TOP1: variants seen among roughly 807,000 people sequenced by gnomAD.
TOP1 encodes DNA topoisomerase 1.
TOP1 carries 10 observed loss-of-function variants against 111.1 expected under a neutral mutation model. That is an observed-to-expected ratio of 0.09 (90% CI 0.06 to 0.15). TOP1 has a LOEUF of 0.15. Among genes scored for constraint, TOP1 ranks in the 10% least tolerant of loss-of-function variants. TOP1 has a pLI of 1.00. For missense variants in TOP1, 474 were observed against 926.7 expected (o/e 0.51, Z 6.34); for synonymous variants, 271 against 302.9 (o/e 0.89, Z 1.10).
rs547897428 is a variant in TOP1 at position 41,082,158 on chromosome 20, C to G, written c.507+918C>G. On this transcript the variant is annotated intron_variant, in intron 7 of 20. Coordinates refer to ENST00000361337, the MANE Select transcript of TOP1 (RefSeq NM_003286.4). This position sits in a 1 kb window ranked among gnomAD's most constrained non-coding sequence, Gnocchi z 4.1. ...ATTTGAGGTTAGCCACTGTCATGGG[C>G]AAAATGGGATCACAAATGTAAAGTG... Among the ~76,000 whole-genome samples the G allele has an allele frequency of 6.6e-5, 10 of 152,170 alleles. No individual in the cohort carries two copies. The South Asian group carries it at 1.5e-3, about 22-fold the overall frequency.
intron 2 of TOP1, among the ~76,000 whole-genome samples, chr20:41,038,992 CAAAAA>C (rs879288677): frequency 7.9e-6 from 1 of 125,822 alleles, no homozygotes; most frequent in African/African-American, 3.0e-5. Flanking sequence ...GACCCTGTCT[CAAAAA>C]AAAAAAAAAA....
intron 8 of TOP1, among the ~76,000 whole-genome samples, chr20:41,089,641 T>C (rs1293052408): frequency 6.6e-6 from 1 of 152,204 alleles, no homozygotes; most frequent in African/African-American, 2.4e-5. Flanking sequence ...TGTTTGAATA[T>C]TGAGTATATT....
In TOP1 at chr20:41,123,115, G is replaced by A; in HGVS notation, c.2196-80G>A. 2.3e-6 allele frequency: 2 copies of A among 888,250 alleles called. No individual in the cohort carries two copies. Among genetic ancestry groups the A allele is most frequent in the Admixed American group, 3.9e-5 (2 of 50,668 alleles). The allele number at this position is 888,250 out of a possible 1,614,324, so 55.0% of individuals were successfully genotyped here. On this transcript the variant is annotated intron_variant, in intron 20 of 20. Coordinates refer to ENST00000361337, the MANE Select transcript of TOP1 (RefSeq NM_003286.4). The surrounding 1 kb of genome is among the most constrained non-coding windows in gnomAD (Gnocchi z 5.8). ...ACTAGACAGATGTGAAAGAGAAGAT[G>A]GAACATCTGACCCTGGGCCTCAGAT...
rs947235898 is a variant in TOP1 at position 41,034,473 on chromosome 20, G to A, written c.58+5018G>A. 1.3e-5 allele frequency among the ~76,000 whole-genome samples: 2 copies of A among 152,196 alleles called. No individual in the cohort carries two copies. The highest frequency in any genetic ancestry group is 1.3e-4 in the Admixed American group (2 of 15,284). On this transcript the variant is annotated intron_variant, in intron 2 of 20. Coordinates refer to ENST00000361337, the MANE Select transcript of TOP1 (RefSeq NM_003286.4). This position sits in a 1 kb window ranked among gnomAD's most constrained non-coding sequence, Gnocchi z 4.0. The stretch of plus-strand genomic sequence containing the variant: ...AGTATGTGCTGTGTTGATAGCATAG[G>A]GCCTGGGAAGGGTGGAGAGGGATGT...
rs1449310695 is a variant in TOP1 at position 41,069,033 on chromosome 20, G to T, written c.156-7138G>T. ...AGAAAACTGCTGTAAAATAGCAAGG[G>T]AAGTACTTTTCCAGCCATATTGGCA... is the stretch of plus-strand genomic sequence containing the variant. On this transcript the variant is annotated intron_variant, in intron 3 of 20. Coordinates refer to ENST00000361337, the MANE Select transcript of TOP1 (RefSeq NM_003286.4). This position sits in a 1 kb window ranked among gnomAD's most constrained non-coding sequence, Gnocchi z 4.1. 1.3e-5 allele frequency among the ~76,000 whole-genome samples: 2 copies of T among 152,170 alleles called. No homozygotes were observed. The highest frequency in any genetic ancestry group is 4.8e-5 in the African/African-American group (2 of 41,442).
chr20:41,036,917 G>A (rs927532696), intron 2 of TOP1, among the ~76,000 whole-genome samples: 2 of 143,730 alleles, frequency 1.4e-5, no homozygotes, highest in Non-Finnish European at 3.0e-5. Flanking sequence ...TGCAAGCTCC[G>A]CCTCCCAGGT....
chr20:41,115,717 G>T lies in TOP1; in HGVS notation c.1707+278G>T, dbSNP rs1387775789. ...GCTCCTGCAGAGCTTTCCCTTCACT[G>T]AATGCCCAGCCACCCCTGCTGGAGA... On this transcript the variant is annotated intron_variant, in intron 16 of 20. Coordinates refer to ENST00000361337, the MANE Select transcript of TOP1 (RefSeq NM_003286.4). This position sits in a 1 kb window ranked among gnomAD's most constrained non-coding sequence, Gnocchi z 6.3. Among the ~76,000 whole-genome samples the T allele has an allele frequency of 3.3e-5, 5 of 152,176 alleles. No homozygotes were observed. The highest frequency in any genetic ancestry group is 7.3e-5 in the Non-Finnish European group (5 of 68,030).
chr20:41,091,816 G>A (rs1375800665), intron 8 of TOP1, among the ~76,000 whole-genome samples: 2 of 151,880 alleles, frequency 1.3e-5, no homozygotes, highest in African/African-American at 2.4e-5. Flanking sequence ...TGCCCGCCTC[G>A]GCCTCCCAAA....
intron 9 of TOP1, among the ~76,000 whole-genome samples, chr20:41,096,684 T>G (rs990441291): frequency 6.6e-6 from 1 of 152,190 alleles, no homozygotes; most frequent in African/African-American, 2.4e-5. Context: ...ATATGGGAAA[T>G]CTGGGCTTGC....
chr20:41,072,464 G>C (rs1357610761), intron 3 of TOP1: 1 of 985,440 alleles, frequency 1.0e-6, no homozygotes, highest in East Asian at 1.1e-4. Context: ...GGATGAGTCA[G>C]CCTGACTGAC....
At chr20:41,090,935 T>C (rs1005062737) in intron 8 of TOP1, among the ~76,000 whole-genome samples, 3 of 152,248 alleles carry the variant, frequency 2.0e-5, no homozygotes, top group African/African-American at 7.2e-5. Flanking sequence ...CTCTTATATT[T>C]AGGTCTTTGA....
chr20:41,081,340 C>T, intron 7 of TOP1, 100 bp downstream of exon 7: 1 of 1,371,192 alleles, frequency 7.3e-7, no homozygotes. Context: ...TATTTATTGG[C>T]TTGTTATAAC....
chr20:41,117,053 T>A (rs978361582), intron 17 of TOP1, among the ~76,000 whole-genome samples: 1 of 152,186 alleles, frequency 6.6e-6, no homozygotes, highest in Admixed American at 6.5e-5. Context: ...ATTTTTCTTT[T>A]TAAATAAGAT....
In TOP1 at chr20:41,101,138, A is replaced by G. The variant is rs1462805115; in HGVS notation, c.1164-71A>G. ...AAAATTATGCTCAGCAGATAGGTCCACTTGGGGTCATGAAAGGTGAAATTA... is the reference window on the plus strand; with the variant it reads ...AAAATTATGCTCAGCAGATAGGTCCGCTTGGGGTCATGAAAGGTGAAATTA... On this transcript the variant is annotated intron_variant, in intron 12 of 20. Transcript: ENST00000361337. This position sits in a 1 kb window ranked among gnomAD's most constrained non-coding sequence, Gnocchi z 4.1. 6.4e-7 allele frequency: 1 copy of G among 1,552,000 alleles called. No individual in the cohort carries two copies. Among genetic ancestry groups the G allele is most frequent in the Non-Finnish European group, 8.9e-7 (1 of 1,128,370 alleles).
intron 2 of TOP1, among the ~76,000 whole-genome samples, chr20:41,041,071 A>C (rs189557708): frequency 6.6e-6 from 1 of 152,302 alleles, no homozygotes; most frequent in East Asian, 1.9e-4. Context: ...TGCCTGCATT[A>C]CCACGTAACC....
Position 41,116,222 on chromosome 20 carries a change from C to A in TOP1, c.1708-56C>A. Reference sequence around the variant, plus strand: ...CTGGCATAAATTACTCCTAGGGCTGCCAGAAGGAGCAGGTAGTATAGCTTT... The same window carrying A: ...CTGGCATAAATTACTCCTAGGGCTGACAGAAGGAGCAGGTAGTATAGCTTT... On this transcript the variant is annotated intron_variant, in intron 16 of 20. Transcript: ENST00000361337. This position sits in a 1 kb window ranked among gnomAD's most constrained non-coding sequence, Gnocchi z 5.6. The A allele has an allele frequency of 8.5e-7, 1 of 1,170,812 alleles. No individual in the cohort carries two copies. The highest frequency in any genetic ancestry group is 1.3e-6 in the Non-Finnish European group (1 of 784,628). 72.5% of individuals were successfully genotyped at this position (1,170,812 alleles called of 1,614,324 possible). A position where few individuals can be genotyped will look rare whatever the true frequency, so the allele number is the denominator to read the frequency against.
Position 41,028,852 on chromosome 20 carries a change from C to G in TOP1, c.-216C>G, listed in dbSNP as rs1476377388. 3 of 547,650 alleles carry G rather than the reference C, an allele frequency of 5.5e-6. No individual in the cohort carries two copies. The highest frequency in any genetic ancestry group is 4.0e-5 in the African/African-American group (2 of 49,584). The allele number at this position is 547,650 out of a possible 1,614,324, so 33.9% of individuals were successfully genotyped here. A position where few individuals can be genotyped will look rare whatever the true frequency, so the allele number is the denominator to read the frequency against. On this transcript the variant is annotated 5_prime_UTR_variant, in exon 1 of 21. Transcript: ENST00000361337. ...GCGAACTTAGGCTGTTACACAACTG[C>G]TGGGGTCTGTTCTCGCCGCCCGCCC...
chr20:41,099,475 TA>T (rs896075116), intron 11 of TOP1, among the ~76,000 whole-genome samples: 2 of 152,096 alleles, frequency 1.3e-5, no homozygotes, highest in Non-Finnish European at 2.9e-5. Context: ...ACAACTTAGT[TA>T]AACTGAATCA....
chr20:41,074,868 A>G (rs1314602385), intron 3 of TOP1, among the ~76,000 whole-genome samples: 3 of 152,218 alleles, frequency 2.0e-5, no homozygotes, highest in Non-Finnish European at 4.4e-5. Flanking sequence ...CTGAAAAATA[A>G]TAGTGTTCTC....
Sources: allele counts gnomAD v4.1 joint callset (sites outside exome capture counted in the v4.1 genomes callset), GRCh38; gene constraint gnomAD v4.1.1; non-coding constraint Gnocchi (gnomAD v3.1); transcripts MANE v1.5; gene names NCBI Gene and HGNC (gene_info 2026-07-23, HGNC 2026-07-21).